ZNF644: variants seen among roughly 807,000 people sequenced by gnomAD.
ZNF644 encodes zinc finger protein 644, also known as zinc finger motif enhancer binding protein 2.
A neutral mutation model predicts 108.0 loss-of-function variants in ZNF644; 20 were observed. The ratio of observed to expected loss-of-function variants is 0.19; its 90% CI spans 0.13 to 0.27. The LOEUF (loss-of-function observed/expected upper bound fraction) is 0.27, where lower values mean the gene tolerates loss of function less well. ZNF644 is among the 10% of genes least tolerant of loss of function. ZNF644 has a pLI of 1.00. For missense variants in ZNF644, 1,338 were observed against 1,548.9 expected, an observed-to-expected ratio of 0.86 and a Z score of 2.29; for synonymous variants, 542 against 539.1, an observed-to-expected ratio of 1.01 and a Z score of -0.08.
intron 1 of ZNF644, among the ~76,000 whole-genome samples, chr1:90,985,799 T>C (rs1657031638): frequency 6.6e-6 from 1 of 152,182 alleles, no homozygotes; most frequent in African/African-American, 2.4e-5. Context: ...CTGATTTCAA[T>C]TCCTTTAGAT....
chr1:90,956,774 C>A (rs1407464552), intron 2 of ZNF644, among the ~76,000 whole-genome samples: 1 of 152,060 alleles, frequency 6.6e-6, no homozygotes, highest in Non-Finnish European at 1.5e-5. Flanking sequence ...CTCACCTGAG[C>A]CCAGGAGTTC....
intron 1 of ZNF644, among the ~76,000 whole-genome samples, chr1:90,998,091 G>A (rs1014017386): frequency 1.3e-5 from 2 of 152,224 alleles, no homozygotes; most frequent in Admixed American, 6.5e-5. Context: ...AAGGAGGCCT[G>A]CCTGCCTCTG....
chr1:90,976,882 A>C (rs1289344477), intron 2 of ZNF644, among the ~76,000 whole-genome samples: 2 of 152,198 alleles, frequency 1.3e-5, no homozygotes, highest in Non-Finnish European at 2.9e-5. Flanking sequence ...CATATCTAGG[A>C]ATAAAGGCAT....
chr1:90,997,569 A>AGG (rs886200180), intron 1 of ZNF644, among the ~76,000 whole-genome samples: 1 of 151,376 alleles, frequency 6.6e-6, no homozygotes, highest in East Asian at 1.9e-4. Flanking sequence ...AAAAAAGGGG[A>AGG]GGGGGGCGGT....
rs186630179 is a variant in ZNF644, at chr1:90,940,294, A to C, written c.1060T>G (p.Leu354Val). The C allele has an allele frequency of 6.2e-7, 1 of 1,613,980 alleles. No individual in the cohort carries two copies. The highest frequency in any genetic ancestry group is 2.2e-5 in the East Asian group (1 of 44,852). ...KVKPESTDED[L>V]ESVDAFQHLI... ...TGTTGGAAGGCATCCACAGATTCTA[A>C]GTCTTCATCAGTTGATTCAGGCTTC... Residue 354 changes from leucine (L) to valine (V), a missense_variant, in exon 3 of 6, where the codon TTA becomes GTA. Transcript: ENST00000337393.
chr1:91,010,346 C>T (rs1659844664), intron 1 of ZNF644, among the ~76,000 whole-genome samples: 1 of 149,836 alleles, frequency 6.7e-6, no homozygotes, highest in Admixed American at 6.7e-5. Context: ...TCAAGTGATT[C>T]TCCTGCCTCA....
rs1363438262 is a variant in ZNF644 at position 90,965,819 on chromosome 1, G to A, written c.44+16491C>T. ...GGCTGGAACGCAGTGGCATGATCTC[G>A]GCTCACTGATACCTTCACCTCCTGG... On this transcript the variant is annotated intron_variant, in intron 2 of 5. Coordinates refer to ENST00000337393, the MANE Select transcript of ZNF644 (RefSeq NM_201269.3). Among the ~76,000 whole-genome samples the A allele has an allele frequency of 2.6e-5, 4 of 151,934 alleles. No homozygotes were observed. In the East Asian group the frequency reaches 7.7e-4, roughly 29 times the overall value.
chr1:91,015,014 G>A (rs372791994), intron 1 of ZNF644, among the ~76,000 whole-genome samples: 7 of 152,082 alleles, frequency 4.6e-5, no homozygotes, highest in Admixed American at 2.6e-4. Context: ...CTTAATTAAC[G>A]TCATCTGTCT....
intron 1 of ZNF644, among the ~76,000 whole-genome samples, chr1:90,998,583 A>C (rs1294554765): frequency 1.3e-5 from 2 of 152,218 alleles, no homozygotes; most frequent in African/African-American, 2.4e-5. Flanking sequence ...GGTAGATAAA[A>C]CCACAAAGAT....
chr1:90,984,648 T>C (rs1466954374), intron 1 of ZNF644, among the ~76,000 whole-genome samples: 1 of 152,136 alleles, frequency 6.6e-6, no homozygotes, highest in Non-Finnish European at 1.5e-5. Flanking sequence ...CCGCTTTGGC[T>C]TCCCAAAGTT....
chr1:91,000,913 GCAAA>G (rs1658709188), intron 1 of ZNF644, among the ~76,000 whole-genome samples: 1 of 152,146 alleles, frequency 6.6e-6, no homozygotes, highest in African/African-American at 2.4e-5. Context: ...ACACCTCTAT[GCAAA>G]CAAACTAGAA....
At chr1:91,010,445 T>C (rs2100628617) in intron 1 of ZNF644, among the ~76,000 whole-genome samples, 1 of 148,454 alleles carries the variant, frequency 6.7e-6, no homozygotes, top group Non-Finnish European at 1.5e-5. Context: ...AAAGACTGGG[T>C]TTCACCATGT....
intron 2 of ZNF644, among the ~76,000 whole-genome samples, chr1:90,961,135 G>A (rs1654297055): frequency 6.6e-6 from 1 of 152,158 alleles, no homozygotes; most frequent in Non-Finnish European, 1.5e-5. Flanking sequence ...GCAAAACGAT[G>A]ATGACGTTTC....
intron 2 of ZNF644, among the ~76,000 whole-genome samples, chr1:90,942,226 AT>A (rs1652066014): frequency 2.0e-5 from 3 of 152,200 alleles, no homozygotes; most frequent in African/African-American, 7.2e-5. Flanking sequence ...TATGTTTTAA[AT>A]TTATTTCATA....
intron 1 of ZNF644, among the ~76,000 whole-genome samples, chr1:91,017,269 C>T (rs165157): frequency 0.13 from 20,202 of 152,264 alleles, 1,396 homozygotes; most frequent in South Asian, 0.16. Context: ...CAGAATTAAG[C>T]TTCAAGGAAC....
rs371127274 is a variant in ZNF644, at chr1:90,916,813, G to A, written c.3969C>T (p.Ala1323=). 95 of 1,614,022 alleles carry A rather than the reference G, an allele frequency of 5.9e-5. No homozygotes were observed. Among genetic ancestry groups the A allele is most frequent in the Admixed American group, 1.3e-4 (8 of 60,002 alleles). ...TTTCCTGGTTCTATGAAGCTGCTTC[G>A]GCCATTAGTAGAGAAAATGAAGTTT... ...ITETSFSLLM[A]EAAS Residue 1323 remains alanine (A), a synonymous_variant, in exon 6 of 6, where the codon GCC becomes GCT. Coordinates refer to ENST00000337393, the MANE Select transcript of ZNF644 (RefSeq NM_201269.3).
chr1:91,001,477 A>C (rs892879653), intron 1 of ZNF644, among the ~76,000 whole-genome samples: 4 of 152,210 alleles, frequency 2.6e-5, no homozygotes, highest in Admixed American at 6.5e-5. Flanking sequence ...CTTCAACAAA[A>C]TTCAACAGCC....
chr1:91,006,548 T>C (rs1046966075), intron 1 of ZNF644, among the ~76,000 whole-genome samples: 1 of 152,192 alleles, frequency 6.6e-6, no homozygotes, highest in Non-Finnish European at 1.5e-5. Context: ...AAGGCCAATA[T>C]TGCCCTCATA....
At chr1:90,919,509 C>T (rs1331831396) in intron 4 of ZNF644, among the ~76,000 whole-genome samples, 5 of 152,068 alleles carry the variant, frequency 3.3e-5, no homozygotes, top group African/African-American at 1.2e-4. Flanking sequence ...CCACAAGAAA[C>T]CTAAATCTCA....
Sources: gnomAD v4.1 joint callset for allele counts (sites outside exome capture counted in the v4.1 genomes callset) on GRCh38, gnomAD v4.1.1 for gene constraint, MANE v1.5 for transcripts, NCBI Gene and HGNC (gene_info 2026-07-23, HGNC 2026-07-21) for gene names.